TMPRSS13: variants seen among roughly 807,000 people sequenced by gnomAD.
The protein encoded by TMPRSS13 is transmembrane serine protease 13, also known as transmembrane protease serine 13.
A neutral mutation model predicts 68.4 loss-of-function variants in TMPRSS13; 50 were observed. The ratio of observed to expected loss-of-function variants is 0.73; its 90% CI spans 0.58 to 0.93. The LOEUF (loss-of-function observed/expected upper bound fraction) is 0.93. TMPRSS13 is among the 40% of genes least tolerant of loss of function. The pLI is 0.00. For synonymous variants in TMPRSS13, 267 were observed against 285.8 expected, an observed-to-expected ratio of 0.93 and a Z score of 0.66; for missense variants, 615 against 729.2, an observed-to-expected ratio of 0.84 and a Z score of 1.80.
In TMPRSS13 at chr11:117,911,848, T is replaced by A; in HGVS notation, c.822A>T (p.Thr274=). ...CAAAATCCCTGTGGGCAACCTCGGTTGTCCGGTGAGCACTACAAGGGAGCA... is the reference window on the plus strand; with the variant it reads ...CAAAATCCCTGTGGGCAACCTCGGTAGTCCGGTGAGCACTACAAGGGAGCA... ...QQLGFESAHR[T]TEVAHRDFAN... is the part of the protein sequence containing the mutation. The change falls in exon 6 of 13, where the codon ACA becomes ACT. Residue 274 remains threonine, a synonymous_variant. Transcript: ENST00000524993. 1 of 1,614,020 alleles carries A rather than the reference T, an allele frequency of 6.2e-7. No homozygotes were observed. Among genetic ancestry groups the A allele is most frequent in the Non-Finnish European group, 8.5e-7 (1 of 1,179,974 alleles).
rs774845944 is a variant in TMPRSS13, at chr11:117,910,676, T to C, written c.946+31A>G. The C allele has an allele frequency of 2.5e-6, 4 of 1,599,654 alleles. No individual in the cohort carries two copies. The South Asian group carries it at 3.4e-5, about 13-fold the overall frequency. On this transcript the variant is annotated intron_variant, in intron 7 of 12. Coordinates refer to ENST00000524993, the MANE Select transcript of TMPRSS13 (RefSeq NM_001077263.3). Reference sequence around the variant, plus strand: ...TCTGCCCTTTACTCCCACACGACACTGGCCACAATCCAAGAAGAAGAACAT... The same window carrying C: ...TCTGCCCTTTACTCCCACACGACACCGGCCACAATCCAAGAAGAAGAACAT...
intron 9 of TMPRSS13, chr11:117,908,151 C>T: frequency 2.4e-6 from 2 of 841,336 alleles, no homozygotes; most frequent in Non-Finnish European, 3.1e-6. Flanking sequence ...GAGCTACCAC[C>T]TATTACTTGT....
At chr11:117,919,785 A>G (rs1289389031) in intron 1 of TMPRSS13, among the ~76,000 whole-genome samples, 1 of 152,276 alleles carries the variant, frequency 6.6e-6, no homozygotes. Context: ...CTCAGAGCTC[A>G]TCTTGCAGAA....
intron 3 of TMPRSS13, among the ~76,000 whole-genome samples, chr11:117,916,395 C>T (rs866989808): frequency 1.3e-5 from 2 of 152,278 alleles, no homozygotes; most frequent in African/African-American, 4.8e-5. Context: ...GGCCCCACAG[C>T]TGTAAGAAGC....
At position 117,909,792 on chromosome 11, in the gene TMPRSS13, T is replaced by C. The variant is rs779504092; in HGVS notation, c.1109+14A>G. ...CCTGGGCAGTGTCAAATCACCTGCC[T>C]CTCAGGCACTTACACGAAGAAGCAG... On this transcript the variant is annotated intron_variant, in intron 8 of 12. Transcript: ENST00000524993. 2.5e-6 allele frequency: 4 copies of C among 1,603,426 alleles called. No individual in the cohort carries two copies. Among genetic ancestry groups the C allele is most frequent in the Middle Eastern group, 1.8e-4 (1 of 5,672 alleles).
intron 9 of TMPRSS13, 108 bp from the exon 10 acceptor site, chr11:117,905,844 C>T (rs1403682739): frequency 2.6e-6 from 2 of 756,168 alleles, no homozygotes. Flanking sequence ...TCTCCTAGAA[C>T]ATTAATCCTT....
rs574410511 is a variant in TMPRSS13 at position 117,922,882 on chromosome 11, A to G, written c.22-4044T>C. Among the ~76,000 whole-genome samples, 21 of 152,324 alleles carry G rather than the reference A, an allele frequency of 1.4e-4. No homozygotes were observed. The highest frequency in any genetic ancestry group is 1.3e-3 in the Admixed American group (20 of 15,310). Reference sequence around the variant, plus strand: ...CACAATTGTAAGCCCTTACCATGACATGGAACAGGCCCACACCCCAGGCTG... The same window carrying G: ...CACAATTGTAAGCCCTTACCATGACGTGGAACAGGCCCACACCCCAGGCTG... On this transcript the variant is annotated intron_variant, in intron 1 of 12. Coordinates refer to ENST00000524993, the MANE Select transcript of TMPRSS13 (RefSeq NM_001077263.3). The surrounding 1 kb of genome is among the most constrained non-coding windows in gnomAD (Gnocchi z 4.2).
chr11:117,903,245 A>AAAAC (rs2057425831), intron 12 of TMPRSS13: 1 of 1,316,290 alleles, frequency 7.6e-7, no homozygotes, highest in East Asian at 2.6e-5. Context: ...CAAAAAGACT[A>AAAAC]AAACAAACAG....
intron 8 of TMPRSS13, 97 bp from the exon 9 acceptor site, chr11:117,908,881 T>C: frequency 7.9e-7 from 1 of 1,271,488 alleles, no homozygotes; most frequent in Admixed American, 2.4e-5. Flanking sequence ...GAGCACCAGC[T>C]TGGAGGCAGG....
intron 1 of TMPRSS13, among the ~76,000 whole-genome samples, chr11:117,925,848 G>A (rs2057700129): frequency 6.6e-6 from 1 of 152,228 alleles, no homozygotes; most frequent in Non-Finnish European, 1.5e-5. Context: ...CCCAGCCCAG[G>A]GCCCAATACA....
intron 5 of TMPRSS13, among the ~76,000 whole-genome samples, chr11:117,912,372 G>C (rs1031601076): frequency 3.1e-4 from 47 of 152,196 alleles, no homozygotes; most frequent in African/African-American, 1.1e-3. Flanking sequence ...TTACTGATCT[G>C]TACATTAAAG....
chr11:117,916,992 C>T (rs909257943), intron 3 of TMPRSS13, among the ~76,000 whole-genome samples, 178 bp downstream of exon 3: 3 of 152,170 alleles, frequency 2.0e-5, no homozygotes, highest in Non-Finnish European at 2.9e-5. Flanking sequence ...CTGGATACCC[C>T]ACAGGGGCCC....
chr11:117,917,408 T>C (rs905336316), intron 2 of TMPRSS13, 134 bp from the exon 3 acceptor site: 6 of 638,016 alleles, frequency 9.4e-6, no homozygotes, highest in Admixed American at 2.8e-5. Context: ...GGAATGAGAT[T>C]TTATGGGGCT....
chr11:117,913,695 T>C, intron 5 of TMPRSS13, 82 bp downstream of exon 5: 1 of 1,542,340 alleles, frequency 6.5e-7, no homozygotes, highest in Non-Finnish European at 8.8e-7. Context: ...TAATATAATG[T>C]TTCTGCAACA....
chr11:117,908,842 C>T, intron 8 of TMPRSS13, 58 bp from the exon 9 acceptor site: 2 of 1,488,002 alleles, frequency 1.3e-6, no homozygotes, highest in Middle Eastern at 2.0e-4. Flanking sequence ...TCACTGGCAG[C>T]CCCTGCTACC....
At chr11:117,903,240 A>G in intron 12 of TMPRSS13, 1 of 1,318,784 alleles carries the variant, frequency 7.6e-7, no homozygotes, top group South Asian at 1.7e-5. Flanking sequence ...AAAATCAAAA[A>G]GACTAAAACA....
chr11:117,907,783 T>A, intron 9 of TMPRSS13: 1 of 984,864 alleles, frequency 1.0e-6, no homozygotes. Context: ...AAACATCGTA[T>A]AATTGGCCTC....
Position 117,914,325 on chromosome 11 carries a change from A to G in TMPRSS13, c.679+67T>C. The G allele has an allele frequency of 3.8e-6, 6 of 1,597,540 alleles. No individual in the cohort carries two copies. Among genetic ancestry groups the G allele is most frequent in the Non-Finnish European group, 5.1e-6 (6 of 1,174,224 alleles). The stretch of plus-strand genomic sequence containing the variant: ...CACAGGCATGCATACACACACACAT[A>G]TACAAACAGGCACACAAACACATGC... On this transcript the variant is annotated intron_variant, in intron 4 of 12. Transcript: ENST00000524993. The surrounding 1 kb of genome is among the most constrained non-coding windows in gnomAD (Gnocchi z 4.2).
Position 117,917,229 on chromosome 11 carries a change from A to G in TMPRSS13, c.497T>C (p.Leu166Pro), listed in dbSNP as rs751686482. Residue 166 changes from leucine to proline, a missense_variant, in exon 3 of 13, where the codon CTA becomes CCA. Leu to Pro is a moderately conservative substitution (Grantham distance 98). Coordinates refer to ENST00000524993, the MANE Select transcript of TMPRSS13 (RefSeq NM_001077263.3). ...KFTWREGQKQLPLIGCVLLLI... is the reference protein window; with the variant it reads ...KFTWREGQKQPPLIGCVLLLI... ...GAGGAGCACGCACCCGATGAGCGGTAGCTGCTTCTGGCCCTCCCGCCAGGT... is the reference window on the plus strand; with the variant it reads ...GAGGAGCACGCACCCGATGAGCGGTGGCTGCTTCTGGCCCTCCCGCCAGGT... The G allele has an allele frequency of 1.2e-6, 2 of 1,613,104 alleles. No individual in the cohort carries two copies. Among genetic ancestry groups the G allele is most frequent in the Middle Eastern group, 1.6e-4 (1 of 6,062 alleles).
Sources: allele counts gnomAD v4.1 joint callset (sites outside exome capture counted in the v4.1 genomes callset), GRCh38; gene constraint gnomAD v4.1.1; non-coding constraint Gnocchi (gnomAD v3.1); transcripts MANE v1.5; gene names NCBI Gene and HGNC (gene_info 2026-07-23, HGNC 2026-07-21).